Variants in KCNAB2 observed in about 807,000 individuals in gnomAD.
KCNAB2 encodes the protein potassium voltage-gated channel subfamily A regulatory beta subunit 2.
KCNAB2 carries 29 observed loss-of-function variants against 63.6 expected under a neutral mutation model. The observed-to-expected ratio is 0.46, with a 90% CI of 0.34 to 0.62. The LOEUF (loss-of-function observed/expected upper bound fraction) is 0.62. Among genes scored for constraint, KCNAB2 ranks in the 20% least tolerant of loss-of-function variants. The pLI is 0.01. For synonymous variants in KCNAB2, 222 were observed against 224.2 expected, an observed-to-expected ratio of 0.99 and a Z score of 0.09; for missense variants, 359 against 563.9, an observed-to-expected ratio of 0.64 and a Z score of 3.68.
At position 6,073,815 on chromosome 1, in the gene KCNAB2, G is replaced by A. The variant is rs376750858; in HGVS notation, c.300+45G>A. 256 of 1,597,374 alleles carry A rather than the reference G, an allele frequency of 1.6e-4. No individual in the cohort carries two copies. In the African/African-American group the frequency reaches 2.4e-3, roughly 15 times the overall value. The stretch of plus-strand genomic sequence containing the variant: ...GCACCCCAGAACCCAGCACGGGCTC[G>A]CCAGAGCACATGGTTAAGTCTGCCG... On this transcript the variant is annotated intron_variant, in intron 4 of 15. Coordinates refer to ENST00000378083, the MANE Select transcript of KCNAB2 (RefSeq NM_001199862.2). The surrounding 1 kb of genome is among the most constrained non-coding windows in gnomAD (Gnocchi z 5.7).
chr1:6,061,397 G>A (rs555045540), intron 2 of KCNAB2, among the ~76,000 whole-genome samples: 101 of 152,210 alleles, frequency 6.6e-4, no homozygotes, highest in African/African-American at 1.9e-3. Context: ...TCCCAGCACC[G>A]GGCCGGGCGT....
At chr1:6,060,950 T>C (rs1662262187) in intron 2 of KCNAB2, among the ~76,000 whole-genome samples, 1 of 150,008 alleles carries the variant, frequency 6.7e-6, no homozygotes, top group African/African-American at 2.4e-5. Context: ...CTCCAGACCT[T>C]GAGCCCTCCA....
At chr1:6,088,926 C>A in intron 7 of KCNAB2, 82 bp from the exon 8 acceptor site, 1 of 1,328,196 alleles carries the variant, frequency 7.5e-7, no homozygotes, top group Non-Finnish European at 1.1e-6. Context: ...TTGCGTCTAA[C>A]ATTGCATCGT....
intron 1 of KCNAB2, among the ~76,000 whole-genome samples, chr1:6,013,280 C>A (rs1243042925): frequency 1.3e-5 from 2 of 152,092 alleles, no homozygotes; most frequent in African/African-American, 4.8e-5. Flanking sequence ...TGGGGCCAGT[C>A]AGGTGAACAG....
chr1:6,084,551 C>G (rs555532187), intron 5 of KCNAB2, among the ~76,000 whole-genome samples: 1 of 152,210 alleles, frequency 6.6e-6, no homozygotes, highest in Non-Finnish European at 1.5e-5. Flanking sequence ...CGCGGTGGCT[C>G]ACGCCTGGAA....
rs529937763 is a variant in KCNAB2, at chr1:6,023,070, C to T, written c.-52-17447C>T. On this transcript the variant is annotated intron_variant, in intron 1 of 16. Coordinates refer to the KCNAB2 transcript ENST00000341524. ...GCTAATTTTGTATTTTTAGTAGAGA[C>T]GGGGTTTCGCCATGTTGGCCAGGCT... 5.9e-5 allele frequency among the ~76,000 whole-genome samples: 9 copies of T among 151,972 alleles called. No homozygotes were observed. The East Asian group carries it at 7.7e-4, about 13-fold the overall frequency.
intron 1 of KCNAB2, among the ~76,000 whole-genome samples, chr1:6,021,078 G>A (rs1219755643): frequency 2.6e-5 from 4 of 152,062 alleles, no homozygotes; most frequent in Non-Finnish European, 5.9e-5. Context: ...CTGCAGCCTC[G>A]ACCTTCCAGG....
Position 5,996,261 on chromosome 1 carries a change from C to T in KCNAB2, c.-53+3473C>T, listed in dbSNP as rs143437460. 1.2e-4 allele frequency among the ~76,000 whole-genome samples: 19 copies of T among 152,308 alleles called. 1 individual carries two copies. The East Asian group carries it at 3.5e-3, about 28-fold the overall frequency. ...CCTGCCTGCCTGGGCTTGGCAGATGCGTGAGACTCCCTGTCTCATGGGCCT... is the reference window on the plus strand; with the variant it reads ...CCTGCCTGCCTGGGCTTGGCAGATGTGTGAGACTCCCTGTCTCATGGGCCT... On this transcript the variant is annotated intron_variant, in intron 1 of 16. Transcript: ENST00000341524.
chr1:6,022,879 C>CTTT (rs34874871), intron 1 of KCNAB2, among the ~76,000 whole-genome samples: 33 of 86,978 alleles, frequency 3.8e-4, no homozygotes, highest in African/African-American at 4.2e-4. Flanking sequence ...TTTTGCTTAT[C>CTTT]TTTTTTTTTT....
chr1:6,017,819 T>C (rs1377744441), intron 1 of KCNAB2, among the ~76,000 whole-genome samples: 2 of 150,042 alleles, frequency 1.3e-5, no homozygotes, highest in African/African-American at 4.9e-5. Flanking sequence ...CCTCCCAAAG[T>C]GCTGGGATTA....
At chr1:6,014,668 GC>G (rs1341164252) in intron 1 of KCNAB2, among the ~76,000 whole-genome samples, 1 of 152,204 alleles carries the variant, frequency 6.6e-6, no homozygotes, top group East Asian at 1.9e-4. Flanking sequence ...TGAACCTGAT[GC>G]CTGCGATCTG....
chr1:6,091,427 G>A, intron 10 of KCNAB2, 120 bp downstream of exon 10: 1 of 733,668 alleles, frequency 1.4e-6, no homozygotes, highest in East Asian at 2.8e-5. Context: ...AATGCATAAA[G>A]AGGGGAAAGA....
intron 7 of KCNAB2, among the ~76,000 whole-genome samples, chr1:6,088,230 CTCTT>C (rs1664873137): frequency 8.4e-6 from 1 of 118,356 alleles, no homozygotes; most frequent in Non-Finnish European, 1.8e-5. Context: ...TTCTCTCTCT[CTCTT>C]TTTTTTTTTT....
chr1:6,065,227 CAG>C (rs375578654), intron 2 of KCNAB2, among the ~76,000 whole-genome samples: 21 of 152,354 alleles, frequency 1.4e-4, no homozygotes, highest in African/African-American at 4.8e-4. Flanking sequence ...ATCCAGCCCG[CAG>C]AGTCCACCCT....
Position 6,099,693 on chromosome 1 carries a change from G to A in KCNAB2, c.*1119G>A. ...AGGAAGGGTCTTTGGGGTTTTCTGT[G>A]CCCATGACTTGGGGGCTGCACCCCC... On this transcript the variant is annotated 3_prime_UTR_variant, in exon 16 of 16. Coordinates refer to ENST00000378083, the MANE Select transcript of KCNAB2 (RefSeq NM_001199862.2). 20 of 1,386,188 alleles carry A rather than the reference G, an allele frequency of 1.4e-5. No individual in the cohort carries two copies. Among genetic ancestry groups the A allele is most frequent in the Non-Finnish European group, 1.9e-5 (20 of 1,050,618 alleles). 85.9% of individuals were successfully genotyped at this position (1,386,188 alleles called of 1,614,324 possible).
chr1:6,096,171 G>T lies in KCNAB2; in HGVS notation c.949-465G>T. 2.2e-6 allele frequency: 1 copy of T among 457,666 alleles called. No homozygotes were observed. Among genetic ancestry groups the T allele is most frequent in the Non-Finnish European group, 4.4e-6 (1 of 228,076 alleles). 28.4% of individuals were successfully genotyped at this position (457,666 alleles called of 1,614,324 possible). On this transcript the variant is annotated intron_variant, in intron 13 of 15. Coordinates refer to ENST00000378083, the MANE Select transcript of KCNAB2 (RefSeq NM_001199862.2). This position sits in a 1 kb window ranked among gnomAD's most constrained non-coding sequence, Gnocchi z 5.9. ...CAGCCCTGGGTTCCAGGGCAACGTG[G>T]CCTGGCCCCCGACTCCTCCCATCCC...
In KCNAB2 at chr1:6,003,530, A is replaced by C. The variant is rs545727979; in HGVS notation, c.-53+10742A>C. 3.9e-5 allele frequency among the ~76,000 whole-genome samples: 6 copies of C among 152,250 alleles called. No homozygotes were observed. In the East Asian group the frequency reaches 1.2e-3, roughly 29 times the overall value. ...ATACCCTCCCGTTTGTCTATAGTTC[A>C]CTTAAACATTATTTCCTGGGAGATC... On this transcript the variant is annotated intron_variant, in intron 1 of 16. Transcript: ENST00000341524. This position sits in a 1 kb window ranked among gnomAD's most constrained non-coding sequence, Gnocchi z 4.1.
rs1200835171 is a variant in KCNAB2, at chr1:6,087,704, T to G, written c.470+193T>G. On this transcript the variant is annotated intron_variant, in intron 7 of 15. Transcript: ENST00000378083. The surrounding 1 kb of genome is among the most constrained non-coding windows in gnomAD (Gnocchi z 6.4). ...TTCCTGTCCCCAGCAGGGGCAGAGC[T>G]GGTGTTTCTGCAGCCATCAGCTATG... Among the ~76,000 whole-genome samples, 2 of 152,246 alleles carry G rather than the reference T, an allele frequency of 1.3e-5. No homozygotes were observed. The highest frequency in any genetic ancestry group is 4.8e-5 in the African/African-American group (2 of 41,466).
chr1:6,040,276 G>A (rs565769147), intron 1 of KCNAB2, among the ~76,000 whole-genome samples: 2 of 152,286 alleles, frequency 1.3e-5, no homozygotes, highest in Admixed American at 6.5e-5. Context: ...GAGTGATGGA[G>A]TGTGGAAACC....
Sources: gnomAD v4.1 joint callset for allele counts (sites outside exome capture counted in the v4.1 genomes callset) on GRCh38, gnomAD v4.1.1 for gene constraint, Gnocchi (gnomAD v3.1) non-coding constraint, MANE v1.5 for transcripts, NCBI Gene and HGNC (gene_info 2026-07-23, HGNC 2026-07-21) for gene names.